PIGS: variants seen among roughly 807,000 people sequenced by gnomAD.
The protein encoded by PIGS is phosphatidylinositol glycan anchor biosynthesis class S.
In PIGS, 37 loss-of-function variants were observed where a neutral mutation model predicts 58.2. That is an observed-to-expected ratio of 0.64 (90% CI 0.49 to 0.84). The LOEUF (loss-of-function observed/expected upper bound fraction) is 0.84. PIGS is among the 40% of genes least tolerant of loss of function. The pLI is 0.00. For synonymous variants in PIGS, 269 were observed against 289.2 expected (o/e 0.93, Z 0.71); for missense variants, 629 against 710.8 (o/e 0.88, Z 1.31).
At chr17:28,555,863 G>A (rs922708576) in intron 10 of PIGS, 5 of 260,930 alleles carry the variant, frequency 1.9e-5, no homozygotes, top group Non-Finnish European at 3.0e-5. Flanking sequence ...CCAGCTACTC[G>A]GGAGGCTGAG....
At chr17:28,563,167 C>T (rs2070374000) in intron 5 of PIGS, among the ~76,000 whole-genome samples, 2 of 152,142 alleles carry the variant, frequency 1.3e-5, no homozygotes, top group Admixed American at 6.5e-5. Context: ...ATGGCACATG[C>T]CTGTAATCCC....
At chr17:28,563,631 G>T in intron 4 of PIGS, 109 bp from the exon 5 acceptor site, 2 of 1,250,796 alleles carry the variant, frequency 1.6e-6, no homozygotes, top group South Asian at 1.3e-5. Flanking sequence ...TGACACAGTG[G>T]TCAGGCTTGG....
intron 3 of PIGS, among the ~76,000 whole-genome samples, chr17:28,565,180 G>A (rs1170279811): frequency 6.6e-6 from 1 of 152,070 alleles, no homozygotes; most frequent in Non-Finnish European, 1.5e-5. Flanking sequence ...CTAGATACAA[G>A]GATATGCAAG....
chr17:28,558,646 CA>C, intron 7 of PIGS, 56 bp from the exon 8 acceptor site: 3 of 1,411,956 alleles, frequency 2.1e-6, no homozygotes, highest in Non-Finnish European at 2.0e-6. Context: ...TACTTTCTCC[CA>C]AAAAAGATTT....
chr17:28,564,995 A>G (rs1020340045), intron 3 of PIGS, among the ~76,000 whole-genome samples: 6 of 152,380 alleles, frequency 3.9e-5, no homozygotes, highest in African/African-American at 1.4e-4. Context: ...GTTATTCAGT[A>G]TTGTTCTTTC....
rs536112840 is a variant in PIGS, at chr17:28,556,640, C to T, written c.1080+187G>A. 2.9e-4 allele frequency: 214 copies of T among 750,098 alleles called. No individual in the cohort carries two copies. The African/African-American group carries it at 3.5e-3, about 12-fold the overall frequency. 46.5% of individuals were successfully genotyped at this position (750,098 alleles called of 1,614,324 possible). A position where few individuals can be genotyped will look rare whatever the true frequency, so the allele number is the denominator to read the frequency against. On this transcript the variant is annotated intron_variant, in intron 9 of 11. Transcript: ENST00000308360. Reference sequence around the variant, plus strand: ...AGGGTCACAGTATAGAAAACACTGGCGGAAACAAAAGTGGGGCCGGCAGAA... The same window carrying T: ...AGGGTCACAGTATAGAAAACACTGGTGGAAACAAAAGTGGGGCCGGCAGAA...
In PIGS at chr17:28,553,899, A is replaced by T. The variant is rs901474669; in HGVS notation, c.*321T>A. 1.4e-5 allele frequency: 5 copies of T among 365,594 alleles called. No individual in the cohort carries two copies. The highest frequency in any genetic ancestry group is 6.3e-5 in the African/African-American group (3 of 47,930). The allele number at this position is 365,594 out of a possible 1,614,324, so 22.6% of individuals were successfully genotyped here. On this transcript the variant is annotated 3_prime_UTR_variant, in exon 12 of 12. Transcript: ENST00000308360. ...CCTCCTCTCAGTGCACAAGTGTGCT[A>T]TGTTGAGAAATGGGGCAAAAGAACA...
At position 28,556,811 on chromosome 17, in the gene PIGS, G is replaced by A. The variant is rs1286377843; in HGVS notation, c.1080+16C>T. 1.1e-5 allele frequency: 17 copies of A among 1,612,050 alleles called. No homozygotes were observed. The highest frequency in any genetic ancestry group is 3.3e-5 in the South Asian group (3 of 90,954). On this transcript the variant is annotated intron_variant, in intron 9 of 11. Coordinates refer to ENST00000308360, the MANE Select transcript of PIGS (RefSeq NM_033198.4). The stretch of plus-strand genomic sequence containing the variant: ...CAGAAGCATGGGCTCTGGGGTCTGC[G>A]TAGTGTGACTATTACCATAATGCCA...
Position 28,556,925 on chromosome 17 carries a change from C to G in PIGS, c.982G>C (p.Val328Leu), listed in dbSNP as rs144180556. 6.2e-7 allele frequency: 1 copy of G among 1,613,938 alleles called. No homozygotes were observed. The highest frequency in any genetic ancestry group is 1.7e-5 in the Admixed American group (1 of 59,976). ...AGCGGTGAGTGTGCAAGCTCAGGCA[C>G]GTAGAGTAGAAAGTTGAGCACAGGG... The part of the protein sequence containing the change: ...LYPVLNFLLY[V>L]PELAHSPLYI... The change falls in exon 9 of 12, where the codon GTG becomes CTG. Residue 328 changes from valine to leucine, a missense_variant. Transcript: ENST00000308360.
chr17:28,571,290 G>A (rs1426720211), intron 1 of PIGS, 102 bp from the exon 2 acceptor site: 2 of 1,531,898 alleles, frequency 1.3e-6, no homozygotes, highest in Non-Finnish European at 1.8e-6. Context: ...AGGGGCCCGC[G>A]TTCATTGGGA....
rs149650866 is a variant in PIGS, at chr17:28,564,070, T to C, written c.287-163A>G. On this transcript the variant is annotated intron_variant, in intron 3 of 11. Coordinates refer to ENST00000308360, the MANE Select transcript of PIGS (RefSeq NM_033198.4). Reference sequence around the variant, plus strand: ...TCTAATGATTTCTGCATAGATGATATCAAACACATGACACCCATTTCGCCC... The same window carrying C: ...TCTAATGATTTCTGCATAGATGATACCAAACACATGACACCCATTTCGCCC... 3.6e-3 allele frequency among the ~76,000 whole-genome samples: 554 copies of C among 152,318 alleles called. 3 individuals carry two copies. The highest frequency in any genetic ancestry group is 0.013 in the African/African-American group (526 of 41,572).
chr17:28,559,870 G>A (rs1174514230), intron 7 of PIGS, among the ~76,000 whole-genome samples, 179 bp downstream of exon 7: 1 of 152,110 alleles, frequency 6.6e-6, no homozygotes, highest in Non-Finnish European at 1.5e-5. Context: ...CTCAATGGAT[G>A]GATGGACACA....
intron 5 of PIGS, 82 bp downstream of exon 5, chr17:28,563,349 A>T (rs1018666041): frequency 8.5e-7 from 1 of 1,178,816 alleles, no homozygotes; most frequent in Non-Finnish European, 1.3e-6. Flanking sequence ...AGAAATGGGT[A>T]GCAATGATGC....
intron 5 of PIGS, 111 bp from the exon 6 acceptor site, chr17:28,561,740 G>A: frequency 9.5e-7 from 1 of 1,051,060 alleles, no homozygotes. Context: ...CAACAGGTTT[G>A]CACCTCTCTT....
chr17:28,556,775 C>T, intron 9 of PIGS, 52 bp downstream of exon 9: 1 of 1,575,192 alleles, frequency 6.3e-7, no homozygotes, highest in East Asian at 2.3e-5. Context: ...TTCAGGGACA[C>T]CTGCCTGTCC....
intron 3 of PIGS, among the ~76,000 whole-genome samples, chr17:28,566,282 T>G (rs1173058208): frequency 6.1e-5 from 9 of 148,624 alleles, no homozygotes; most frequent in Non-Finnish European, 1.2e-4. Flanking sequence ...TTTTTTTTTT[T>G]TTTTTTGTTT....
intron 5 of PIGS, among the ~76,000 whole-genome samples, chr17:28,562,387 C>T (rs2070369318): frequency 6.6e-6 from 1 of 152,004 alleles, no homozygotes; most frequent in African/African-American, 2.4e-5. Context: ...GGGATGGGGA[C>T]GTTCATTAAC....
chr17:28,557,869 T>G lies in PIGS; in HGVS notation c.934+607A>C, dbSNP rs77626897. Among the ~76,000 whole-genome samples the G allele has an allele frequency of 2.5e-3, 374 of 152,356 alleles. 4 individuals are homozygous for G. Among genetic ancestry groups the G allele is most frequent in the Middle Eastern group, 0.02 (6 of 294 alleles). On this transcript the variant is annotated intron_variant, in intron 8 of 11. Transcript: ENST00000308360. ...CTTTTGCTGTTGTCTTTCCTATGTGTGTGACAGCCTCTCTCCTAGATGGCT... is the reference window on the plus strand; with the variant it reads ...CTTTTGCTGTTGTCTTTCCTATGTGGGTGACAGCCTCTCTCCTAGATGGCT...
In PIGS at chr17:28,554,485, G is replaced by A. The variant is rs951552432; in HGVS notation, c.1403C>T (p.Ala468Val). 3.1e-6 allele frequency: 5 copies of A among 1,613,906 alleles called. No individual in the cohort carries two copies. The highest frequency in any genetic ancestry group is 4.2e-6 in the Non-Finnish European group (5 of 1,179,978). The change falls in exon 12 of 12, where the codon GCT (alanine) becomes GTT (valine). Residue 468 changes from alanine (A) to valine (V), a missense_variant. Transcript: ENST00000308360. Reference sequence around the variant, plus strand: ...TGCCGACTTCTGGACGGCAGCTACAGCCTTGTACACCTAGGAAGGAGAAGG... The same window carrying A: ...TGCCGACTTCTGGACGGCAGCTACAACCTTGTACACCTAGGAAGGAGAAGG... ...KDDVASEVYK[A>V]VAAVQKSAEE...
Sources: allele counts gnomAD v4.1 joint callset (sites outside exome capture counted in the v4.1 genomes callset), GRCh38; gene constraint gnomAD v4.1.1; transcripts MANE v1.5; gene names NCBI Gene and HGNC (gene_info 2026-07-23, HGNC 2026-07-21).